The following ZNF521 variants were observed in gnomAD, a reference collection of about 807,000 sequenced individuals.
ZNF521 encodes LYST-interacting protein 3.
ZNF521 carries 14 observed loss-of-function variants against 105.5 expected under a neutral mutation model. The ratio of observed to expected loss-of-function variants is 0.13; its 90% confidence interval spans 0.09 to 0.21. ZNF521 has a LOEUF of 0.21. Ranked by LOEUF, ZNF521 falls within the 10% of genes least tolerant of loss-of-function variation. ZNF521 has a pLI of 1.00. For missense variants in ZNF521, 1,233 were observed against 1,629.7 expected (o/e 0.76, Z 4.19); for synonymous variants, 635 against 606.0 (o/e 1.05, Z -0.70).
Position 25,345,814 on chromosome 18 carries a change from T to C in ZNF521, c.40+5093A>G, listed in dbSNP as rs138787092. ...GAAGAAACAGTCACTGGTTGATAGA[T>C]AAATAGAAGAACATTTGCAAGTGTC... On this transcript the variant is annotated intron_variant, in intron 2 of 7. Transcript: ENST00000361524. 1.1e-4 allele frequency among the ~76,000 whole-genome samples: 17 copies of C among 152,342 alleles called. No homozygotes were observed. The East Asian group carries it at 3.3e-3, about 29-fold the overall frequency.
At chr18:25,080,104 C>T (rs1243179297) in intron 7 of ZNF521, among the ~76,000 whole-genome samples, 1 of 152,214 alleles carries the variant, frequency 6.6e-6, no homozygotes, top group East Asian at 1.9e-4. Flanking sequence ...AAGCTGTCCT[C>T]CCAGACATGG....
At chr18:25,334,724 A>G (rs1351249885) in intron 2 of ZNF521, among the ~76,000 whole-genome samples, 1 of 152,186 alleles carries the variant, frequency 6.6e-6, no homozygotes, top group African/African-American at 2.4e-5. Context: ...CTCTACACAA[A>G]AAGGCAAAGC....
chr18:25,195,616 T>C (rs1320007320), intron 4 of ZNF521, among the ~76,000 whole-genome samples: 2 of 151,678 alleles, frequency 1.3e-5, no homozygotes, highest in African/African-American at 4.8e-5. Flanking sequence ...TCTTTGAAGA[T>C]CAGGCACAAT....
At chr18:25,200,400 T>C (rs76512164) in intron 4 of ZNF521, among the ~76,000 whole-genome samples, 2 of 111,524 alleles carry the variant, frequency 1.8e-5, no homozygotes, top group South Asian at 2.9e-4. Flanking sequence ...TGCAGTTTTC[T>C]TTTTTTTTTT....
chr18:25,285,698 T>TCTCTCACA (rs1185535267), intron 3 of ZNF521, among the ~76,000 whole-genome samples: 1 of 146,994 alleles, frequency 6.8e-6, no homozygotes, highest in Non-Finnish European at 1.5e-5. Context: ...TCTCTCTCTC[T>TCTCTCACA]CACACACACA....
intron 5 of ZNF521, among the ~76,000 whole-genome samples, chr18:25,148,673 C>T (rs1341917449): frequency 1.3e-5 from 2 of 151,966 alleles, no homozygotes; most frequent in African/African-American, 4.8e-5. Flanking sequence ...TGTAAGATAA[C>T]TGTGTTTTGT....
chr18:25,249,392 C>T (rs1200280561), intron 3 of ZNF521, among the ~76,000 whole-genome samples: 1 of 151,650 alleles, frequency 6.6e-6, no homozygotes, highest in African/African-American at 2.4e-5. Context: ...CTCCTGACCT[C>T]GTGATTCACC....
intron 3 of ZNF521, among the ~76,000 whole-genome samples, chr18:25,251,070 T>C (rs1244397808): frequency 6.6e-6 from 1 of 152,204 alleles, no homozygotes; most frequent in Non-Finnish European, 1.5e-5. Flanking sequence ...TTATTTCCCA[T>C]GTAAGCCTTT....
chr18:25,296,551 A>G (rs1323660096), intron 3 of ZNF521, among the ~76,000 whole-genome samples: 1 of 152,216 alleles, frequency 6.6e-6, no homozygotes, highest in African/African-American at 2.4e-5. Context: ...CATATGGAAC[A>G]GGAATGAGAA....
chr18:25,159,905 G>C (rs1049770725), intron 5 of ZNF521, among the ~76,000 whole-genome samples: 2 of 152,182 alleles, frequency 1.3e-5, no homozygotes, highest in African/African-American at 4.8e-5. Flanking sequence ...TATGTGTCAT[G>C]CTAAGCTCAG....
intron 4 of ZNF521, among the ~76,000 whole-genome samples, chr18:25,210,335 A>T (rs2036156905): frequency 6.6e-6 from 1 of 152,112 alleles, no homozygotes; most frequent in Admixed American, 6.5e-5. Flanking sequence ...TTTTTTCCCT[A>T]AGGACAATCT....
At chr18:25,308,425 T>G in intron 3 of ZNF521, among the ~76,000 whole-genome samples, 1 of 152,322 alleles carries the variant, frequency 6.6e-6, no homozygotes, top group Middle Eastern at 3.4e-3. Flanking sequence ...AATGAATAAC[T>G]AATACATTCT....
intron 1 of ZNF521, 175 bp downstream of exon 1, chr18:25,351,830 G>C (rs1257308310): frequency 1.2e-5 from 2 of 169,092 alleles, no homozygotes; most frequent in South Asian, 1.6e-4. Flanking sequence ...GCGCGGCGCC[G>C]GCGGCTGGCG....
chr18:25,249,659 G>T (rs1907976346), intron 3 of ZNF521, among the ~76,000 whole-genome samples: 2 of 151,852 alleles, frequency 1.3e-5, no homozygotes, highest in South Asian at 4.2e-4. Context: ...ATGGGGTTTT[G>T]CCATGTTGGC....
chr18:25,123,077 C>T lies in ZNF521; in HGVS notation c.3659-30996G>A, dbSNP rs191160431. 3.0e-3 allele frequency among the ~76,000 whole-genome samples: 460 copies of T among 151,810 alleles called. 3 individuals are homozygous for T. The highest frequency in any genetic ancestry group is 0.011 in the African/African-American group (439 of 41,356). On this transcript the variant is annotated intron_variant, in intron 5 of 7. Transcript: ENST00000361524. ...TTAAAAATATAAACTAGACATTCCT[C>T]TATTTGGGGTTTGGAAGATTATTAC...
intron 2 of ZNF521, among the ~76,000 whole-genome samples, chr18:25,336,454 C>T (rs1261977342): frequency 6.6e-6 from 1 of 152,174 alleles, no homozygotes; most frequent in African/African-American, 2.4e-5. Flanking sequence ...TTAGCACTGG[C>T]CCTTTTGCAA....
chr18:25,292,752 G>T (rs976437246), intron 3 of ZNF521, among the ~76,000 whole-genome samples: 1 of 152,176 alleles, frequency 6.6e-6, no homozygotes, highest in Non-Finnish European at 1.5e-5. Flanking sequence ...TTACTGGACT[G>T]CAATTAATTC....
chr18:25,182,092 G>A (rs1052742328), intron 5 of ZNF521, among the ~76,000 whole-genome samples: 2 of 151,926 alleles, frequency 1.3e-5, no homozygotes, highest in Non-Finnish European at 2.9e-5. Context: ...TTAGAAGAAG[G>A]ACATTTTGAG....
intron 4 of ZNF521, among the ~76,000 whole-genome samples, chr18:25,198,262 G>T (rs1265340756): frequency 1.3e-5 from 2 of 151,310 alleles, no homozygotes; most frequent in South Asian, 2.1e-4. Context: ...CATTATTTTT[G>T]ATTGATTTTG....
Sources: gnomAD v4.1 joint callset for allele counts (sites outside exome capture counted in the v4.1 genomes callset) on GRCh38, gnomAD v4.1.1 for gene constraint, MANE v1.5 for transcripts, NCBI Gene and HGNC (gene_info 2026-07-23, HGNC 2026-07-21) for gene names.